Variants in KSR1 observed in about 807,000 individuals in gnomAD.
KSR1 encodes kinase suppressor of ras 1.
A neutral mutation model predicts 92.9 loss-of-function variants in KSR1; 35 were observed. The ratio of observed to expected loss-of-function variants is 0.38; its 90% CI spans 0.29 to 0.50. KSR1 has a LOEUF of 0.50. Among genes scored for constraint, KSR1 ranks in the 20% least tolerant of loss-of-function variants. KSR1 has a pLI of 0.94. For missense variants in KSR1, 972 were observed against 1,158.5 expected, an observed-to-expected ratio of 0.84 and a Z score of 2.34; for synonymous variants, 467 against 472.6, an observed-to-expected ratio of 0.99 and a Z score of 0.15.
In KSR1 at chr17:27,590,810, G is replaced by A. The variant is rs1458565976; in HGVS notation, c.1047-1G>A. ...CATGTGCCTGTGTCCGCCCTCTGCA[G>A]GTTCTCCACCAAGTCCTGGCTGTCG... On this transcript the variant is annotated splice_acceptor_variant, in intron 6 of 20. Transcript: ENST00000644974. LOFTEE classifies it high-confidence loss of function. 6.2e-7 allele frequency: 1 copy of A among 1,609,316 alleles called. No individual in the cohort carries two copies. Among genetic ancestry groups the A allele is most frequent in the Non-Finnish European group, 8.5e-7 (1 of 1,178,034 alleles).
chr17:27,581,283 A>G (rs2004583), intron 3 of KSR1, among the ~76,000 whole-genome samples: 17,596 of 152,096 alleles, frequency 0.12, 1,130 homozygotes, highest in South Asian at 0.19. Context: ...CACGCCCATG[A>G]TCCAGTCACC....
chr17:27,523,484 G>A (rs2070127145), intron 1 of KSR1, among the ~76,000 whole-genome samples: 1 of 152,180 alleles, frequency 6.6e-6, no homozygotes, highest in Non-Finnish European at 1.5e-5. Context: ...AGTCTAATGG[G>A]GAAAGTTGGC....
chr17:27,583,076 G>A lies in KSR1; in HGVS notation c.951G>A (p.Gly317=), dbSNP rs2072834957. 2 of 1,585,128 alleles carry A rather than the reference G, an allele frequency of 1.3e-6. No individual in the cohort carries two copies. Among genetic ancestry groups the A allele is most frequent in the Non-Finnish European group, 8.6e-7 (1 of 1,164,124 alleles). The part of the protein sequence containing the change: ...TRSKSHESQL[G]NRIDDVSSMR... ...GCAAGTCCCATGAGTCTCAGCTGGG[G>A]AACCGCATTGATGACGTCTCCTCGA... Residue 317 remains glycine, a synonymous_variant, in exon 4 of 21, where the codon GGG becomes GGA. Coordinates refer to ENST00000644974, the MANE Select transcript of KSR1 (RefSeq NM_001394583.1).
intron 1 of KSR1, among the ~76,000 whole-genome samples, chr17:27,521,753 G>A (rs1335528385): frequency 1.3e-5 from 2 of 152,220 alleles, no homozygotes; most frequent in African/African-American, 4.8e-5. Flanking sequence ...TACTCTGATG[G>A]AGGCAGGTGG....
intron 1 of KSR1, among the ~76,000 whole-genome samples, chr17:27,547,988 C>G (rs1170332028): frequency 6.6e-6 from 1 of 152,082 alleles, no homozygotes; most frequent in East Asian, 1.9e-4. Flanking sequence ...GCTGGGATTA[C>G]AGGCGTGAGC....
chr17:27,563,981 CT>C (rs200904358), intron 2 of KSR1, among the ~76,000 whole-genome samples: 73 of 46,884 alleles, frequency 1.6e-3, no homozygotes, highest in African/African-American at 3.9e-3. Flanking sequence ...TATTCGGTAG[CT>C]TTTTTTTTTT....
intron 11 of KSR1, among the ~76,000 whole-genome samples, chr17:27,602,388 A>G (rs61244723): frequency 0.017 from 2,592 of 152,296 alleles, 74 homozygotes; most frequent in African/African-American, 0.059. Flanking sequence ...TAGCTCTAGG[A>G]TGCACGCAGG....
intron 1 of KSR1, among the ~76,000 whole-genome samples, chr17:27,528,047 G>A (rs1177980489): frequency 6.6e-6 from 1 of 152,118 alleles, no homozygotes; most frequent in Non-Finnish European, 1.5e-5. Flanking sequence ...GGTATTCTGT[G>A]TAAGTTAATG....
intron 1 of KSR1, among the ~76,000 whole-genome samples, chr17:27,473,327 T>C (rs1361997895): frequency 6.6e-6 from 1 of 152,210 alleles, no homozygotes; most frequent in Non-Finnish European, 1.5e-5. Flanking sequence ...GAAGAAGTAA[T>C]GCTGGGTGGA....
intron 4 of KSR1, among the ~76,000 whole-genome samples, chr17:27,583,469 C>G (rs2072853760): frequency 6.6e-6 from 1 of 152,202 alleles, no homozygotes; most frequent in East Asian, 1.9e-4. Context: ...CCTTCCGGGC[C>G]CAGACTGTCT....
chr17:27,534,963 GTGGCTAA>G (rs1325447184), intron 1 of KSR1, among the ~76,000 whole-genome samples: 5 of 152,232 alleles, frequency 3.3e-5, no homozygotes, highest in Non-Finnish European at 4.4e-5. Flanking sequence ...GGAGATGGCT[GTGGCTAA>G]TCAGTGACCT....
At chr17:27,528,377 G>A (rs572694981) in intron 1 of KSR1, among the ~76,000 whole-genome samples, 24 of 152,222 alleles carry the variant, frequency 1.6e-4, no homozygotes, top group Admixed American at 5.2e-4. Flanking sequence ...AAGTTAACAC[G>A]TTTAGTCTTT....
At chr17:27,467,493 C>A (rs990115145) in intron 1 of KSR1, among the ~76,000 whole-genome samples, 2 of 152,158 alleles carry the variant, frequency 1.3e-5, no homozygotes, top group African/African-American at 4.8e-5. Flanking sequence ...ACTTAATATC[C>A]CAGTGGGACC....
chr17:27,544,104 T>C (rs2071074886), intron 1 of KSR1, among the ~76,000 whole-genome samples: 1 of 152,226 alleles, frequency 6.6e-6, no homozygotes. Flanking sequence ...ATTTTTCTCA[T>C]GTAAGCCTTC....
At chr17:27,576,299 G>A (rs1260926100) in intron 2 of KSR1, among the ~76,000 whole-genome samples, 1 of 152,140 alleles carries the variant, frequency 6.6e-6, no homozygotes, top group African/African-American at 2.4e-5. Flanking sequence ...TGAAACCATG[G>A]ATAGTACTGA....
At chr17:27,501,988 G>A (rs1688119418) in intron 1 of KSR1, among the ~76,000 whole-genome samples, 1 of 152,254 alleles carries the variant, frequency 6.6e-6, no homozygotes, top group Admixed American at 6.5e-5. Flanking sequence ...TGTCCCTCAG[G>A]TGGACTGTGC....
Position 27,592,560 on chromosome 17 carries a change from C to G in KSR1, c.1233C>G (p.Ile411Met). ...GGACAGAATCTGTCCCCTCGGACAT[C>G]AACAACCCGGTGGACAGAGCAGCCG... ...LRRTESVPSD[I>M]NNPVDRAAEP... The change falls in exon 9 of 21, where the codon ATC (isoleucine) becomes ATG (methionine). Residue 411 changes from isoleucine (I) to methionine (M), a missense_variant. By Grantham distance (10) the Ile-to-Met change is conservative (BLOSUM62 1). Around this residue, in one of 5 missense-constraint regions of KSR1, gnomAD observed 611 missense variants for 668.0 expected, o/e 0.91. Transcript: ENST00000644974. 1 of 1,614,002 alleles carries G rather than the reference C, an allele frequency of 6.2e-7. No homozygotes were observed. The highest frequency in any genetic ancestry group is 8.5e-7 in the Non-Finnish European group (1 of 1,179,892).
In KSR1 at chr17:27,609,223, A is replaced by G. The variant is rs1218106893; in HGVS notation, c.2119A>G (p.Ile707Val). The G allele has an allele frequency of 1.9e-6, 3 of 1,613,856 alleles. No homozygotes were observed. The highest frequency in any genetic ancestry group is 1.7e-5 in the Admixed American group (1 of 60,000). ...KGMGYLHAKG[I>V]VHKDLKSKNV... is the part of the protein sequence containing the mutation. ...CATGGGATATCTTCATGCCAAGGGC[A>G]TCGTACACAAAGATCTCAAATCTAA... is the stretch of plus-strand genomic sequence containing the variant. The change falls in exon 16 of 21, where the codon ATC (isoleucine) becomes GTC (valine). Residue 707 changes from isoleucine (I) to valine (V), a missense_variant. By Grantham distance (29) the Ile-to-Val change is conservative (BLOSUM62 3). Around this residue, in one of 5 missense-constraint regions of KSR1, gnomAD observed 260 missense variants for 375.2 expected, o/e 0.69. Coordinates refer to ENST00000644974, the MANE Select transcript of KSR1 (RefSeq NM_001394583.1).
intron 2 of KSR1, among the ~76,000 whole-genome samples, chr17:27,574,234 C>T (rs1598057216): frequency 6.6e-6 from 1 of 152,340 alleles, no homozygotes; most frequent in East Asian, 1.9e-4. Context: ...ATATCCAAAC[C>T]TCATTTCAGT....
Sources: allele counts gnomAD v4.1 joint callset (sites outside exome capture counted in the v4.1 genomes callset), GRCh38; gene constraint gnomAD v4.1.1; regional missense constraint gnomAD v4.1.1; transcripts MANE v1.5; gene names NCBI Gene and HGNC (gene_info 2026-07-23, HGNC 2026-07-21).